PRKACB: variants seen among roughly 807,000 people sequenced by gnomAD.
PRKACB encodes the protein protein kinase cAMP-activated catalytic subunit beta, also known as cAMP-dependent protein kinase catalytic subunit beta.
A neutral mutation model predicts 51.4 loss-of-function variants in PRKACB; 16 were observed. The ratio of observed to expected loss-of-function variants is 0.31; its 90% confidence interval spans 0.21 to 0.47. The LOEUF (loss-of-function observed/expected upper bound fraction) is 0.47. PRKACB is among the 20% of genes least tolerant of loss of function. PRKACB has a pLI of 1.00. For missense variants in PRKACB, 309 were observed against 464.5 expected, an observed-to-expected ratio of 0.67 and a Z score of 3.08; for synonymous variants, 147 against 154.4, an observed-to-expected ratio of 0.95 and a Z score of 0.35.
At chr1:84,216,429 C>T (rs1353334358) in intron 9 of PRKACB, among the ~76,000 whole-genome samples, 2 of 152,032 alleles carry the variant, frequency 1.3e-5, no homozygotes, top group Non-Finnish European at 2.9e-5. Context: ...CAGACCAAAA[C>T]AATGTGAATG....
Position 84,130,129 on chromosome 1 carries a change from G to A in PRKACB, c.47-49048G>A, listed in dbSNP as rs147361508. On this transcript the variant is annotated intron_variant, in intron 1 of 8. Transcript: ENST00000370688. ...GGCATGAACCTGGGAGGCGGAGCTT[G>A]CAGTGAGCCAAGATCGTGCCATTGC... 2.7e-3 allele frequency among the ~76,000 whole-genome samples: 370 copies of A among 139,142 alleles called. 2 individuals are homozygous for A. Among genetic ancestry groups the A allele is most frequent in the African/African-American group, 9.3e-3 (345 of 37,262 alleles). 91.3% of individuals were successfully genotyped at this position (139,142 alleles called of 152,430 possible).
chr1:84,227,832 T>C (rs1451421432), intron 9 of PRKACB, among the ~76,000 whole-genome samples: 2 of 152,272 alleles, frequency 1.3e-5, no homozygotes, highest in African/African-American at 2.4e-5. Flanking sequence ...GTATTATAAC[T>C]ATGCACAGCA....
intron 9 of PRKACB, among the ~76,000 whole-genome samples, chr1:84,218,912 T>A (rs1008071182): frequency 6.6e-6 from 1 of 152,234 alleles, no homozygotes; most frequent in African/African-American, 2.4e-5. Flanking sequence ...CATTTTTTCA[T>A]GTACCTGTTG....
In PRKACB at chr1:84,189,192, A is replaced by C. The variant is rs903866506; in HGVS notation, c.560+4010A>C. Among the ~76,000 whole-genome samples the C allele has an allele frequency of 2.0e-5, 3 of 151,856 alleles. No homozygotes were observed. In the East Asian group the frequency reaches 5.8e-4, roughly 29 times the overall value. ...ATCTGAAAGTTGATTGAGTACTTGA[A>C]TTTAATCAGACACAGGAAGAATGTG... On this transcript the variant is annotated intron_variant, in intron 5 of 9. Transcript: ENST00000370685.
chr1:84,096,272 G>A (rs1164512440), intron 1 of PRKACB, among the ~76,000 whole-genome samples: 2 of 152,002 alleles, frequency 1.3e-5, no homozygotes, highest in Admixed American at 6.6e-5. Context: ...TTTCCTCACT[G>A]TGAGATTACT....
In PRKACB at chr1:84,179,239, G is replaced by A; in HGVS notation, c.249+1G>A. The A allele has an allele frequency of 6.4e-7, 1 of 1,566,286 alleles. No homozygotes were observed. Among genetic ancestry groups the A allele is most frequent in the Non-Finnish European group, 8.6e-7 (1 of 1,157,674 alleles). On this transcript the variant is annotated splice_donor_variant, in intron 2 of 9. Coordinates refer to ENST00000370685, the MANE Select transcript of PRKACB (RefSeq NM_182948.4). LOFTEE classifies it high-confidence loss of function. Reference sequence around the variant, plus strand: ...GAAAAAATGGGAGAATCCAACTCAGGTAAGGAATATTTAGATTTTTCTAAA... The same window carrying A: ...GAAAAAATGGGAGAATCCAACTCAGATAAGGAATATTTAGATTTTTCTAAA...
chr1:84,163,714 T>C (rs1432415844), intron 1 of PRKACB, among the ~76,000 whole-genome samples: 1 of 152,096 alleles, frequency 6.6e-6, no homozygotes, highest in African/African-American at 2.4e-5. Context: ...TCCAGAGCCA[T>C]GAAATCATTG....
chr1:84,122,205 G>A (rs1159888330), intron 1 of PRKACB, among the ~76,000 whole-genome samples: 1 of 152,074 alleles, frequency 6.6e-6, no homozygotes, highest in East Asian at 1.9e-4. Flanking sequence ...GCTAATGTTG[G>A]CAGATCTGGC....
At chr1:84,153,635 T>C (rs1196416004) in intron 1 of PRKACB, among the ~76,000 whole-genome samples, 1 of 152,154 alleles carries the variant, frequency 6.6e-6, no homozygotes. Flanking sequence ...TTTGATGTTT[T>C]TAGGTTCCAC....
chr1:84,132,931 A>T (rs1652391344), intron 1 of PRKACB, among the ~76,000 whole-genome samples: 1 of 152,168 alleles, frequency 6.6e-6, no homozygotes. Context: ...ATACCAGAAG[A>T]AGAAGGAAGA....
At chr1:84,100,783 C>T (rs1434157643) in intron 1 of PRKACB, among the ~76,000 whole-genome samples, 4 of 152,130 alleles carry the variant, frequency 2.6e-5, no homozygotes, top group Non-Finnish European at 5.9e-5. Flanking sequence ...CCTATAACAA[C>T]TCATTTAATC....
At chr1:84,174,996 A>T in intron 1 of PRKACB, 1 of 1,444,258 alleles carries the variant, frequency 6.9e-7, no homozygotes, top group East Asian at 2.7e-5. Flanking sequence ...TTATTCATAT[A>T]ATTTAATCAT....
At position 84,236,662 on chromosome 1, in the gene PRKACB, G is replaced by T. The variant is rs935276126; in HGVS notation, c.*1357G>T. ...TAGTTTTTTTCCTACACTTTTTTTT[G>T]CCAACTGACTTAACAACATTGCTGT... On this transcript the variant is annotated 3_prime_UTR_variant, in exon 10 of 10. Transcript: ENST00000370685. 1 of 152,120 alleles carries T rather than the reference G, an allele frequency of 6.6e-6. No homozygotes were observed. The highest frequency in any genetic ancestry group is 6.6e-5 in the Admixed American group (1 of 15,266). 9.4% of individuals were successfully genotyped at this position (152,120 alleles called of 1,614,324 possible).
intron 1 of PRKACB, among the ~76,000 whole-genome samples, chr1:84,135,754 T>C (rs572230609): frequency 4.8e-4 from 73 of 152,178 alleles, no homozygotes; most frequent in African/African-American, 1.6e-3. Flanking sequence ...TTTTGCAATT[T>C]AGTAAAGGCA....
chr1:84,214,559 C>T (rs990968397), intron 9 of PRKACB, among the ~76,000 whole-genome samples: 4 of 146,212 alleles, frequency 2.7e-5, no homozygotes, highest in African/African-American at 1.0e-4. Flanking sequence ...GTGGCACAAT[C>T]TCTGCTCACT....
chr1:84,202,595 G>A, intron 7 of PRKACB, 88 bp from the exon 8 acceptor site: 1 of 1,360,548 alleles, frequency 7.3e-7, no homozygotes, highest in Non-Finnish European at 9.8e-7. Flanking sequence ...ATTTTTATAT[G>A]CTTCCAGATC....
At chr1:84,195,478 T>A (rs1385905619) in intron 5 of PRKACB, among the ~76,000 whole-genome samples, 4 of 152,200 alleles carry the variant, frequency 2.6e-5, no homozygotes, top group African/African-American at 7.2e-5. Context: ...AATCTGAAAG[T>A]CATTGTTATT....
At chr1:84,106,931 A>G (rs1299633357) in intron 1 of PRKACB, among the ~76,000 whole-genome samples, 1 of 152,134 alleles carries the variant, frequency 6.6e-6, no homozygotes, top group Non-Finnish European at 1.5e-5. Context: ...AACAGAATAG[A>G]GAGCCCAGAA....
At chr1:84,194,899 C>G (rs1382843324) in intron 5 of PRKACB, among the ~76,000 whole-genome samples, 1 of 152,094 alleles carries the variant, frequency 6.6e-6, no homozygotes, top group African/African-American at 2.4e-5. Context: ...CTACAGCACT[C>G]CAGCCTGGTG....
Sources: allele counts gnomAD v4.1 joint callset (sites outside exome capture counted in the v4.1 genomes callset), GRCh38; gene constraint gnomAD v4.1.1; transcripts MANE v1.5; gene names NCBI Gene and HGNC (gene_info 2026-07-23, HGNC 2026-07-21).